Variants in RHOA observed in about 807,000 individuals in gnomAD.
The protein encoded by RHOA is ras homolog family member A.
A neutral mutation model predicts 17.5 loss-of-function variants in RHOA; 3 were observed. The observed-to-expected ratio is 0.17, with a 90% CI of 0.08 to 0.44. RHOA has a LOEUF of 0.44. Ranked by LOEUF, RHOA falls within the 20% of genes least tolerant of loss-of-function variation. The pLI is 0.99. For synonymous variants in RHOA, 98 were observed against 88.4 expected, an observed-to-expected ratio of 1.11 and a Z score of -0.61; for missense variants, 56 against 242.3, an observed-to-expected ratio of 0.23 and a Z score of 5.10.
chr3:49,388,203 T>G (rs1430432726), intron 1 of RHOA, among the ~76,000 whole-genome samples: 1 of 151,970 alleles, frequency 6.6e-6, no homozygotes, highest in Non-Finnish European at 1.5e-5. Flanking sequence ...GGTGTGTGTG[T>G]GGAGACGGGG....
At chr3:49,369,998 CGGAGGTTGCAATGAGT>C (rs1465640895) in intron 2 of RHOA, among the ~76,000 whole-genome samples, 1 of 151,648 alleles carries the variant, frequency 6.6e-6, no homozygotes, top group Non-Finnish European at 1.5e-5. Context: ...ACCCAGGAGG[CGGAGGTTGCAATGAGT>C]GGAGGTTGCA....
chr3:49,410,605 T>C lies in RHOA; in HGVS notation c.-3+1215A>G, dbSNP rs1052354214. On this transcript the variant is annotated intron_variant, in intron 1 of 4. Transcript: ENST00000418115. ...ACTAGTTTTTCAGTCCAATGTCACT[T>C]GTGCCAAATGCTCAAAACAGTATCT... Among the ~76,000 whole-genome samples the C allele has an allele frequency of 3.9e-5, 6 of 152,228 alleles. 1 individual carries two copies. The South Asian group carries it at 1.2e-3, about 31-fold the overall frequency.
chr3:49,365,891 TA>T (rs373018468), intron 3 of RHOA, among the ~76,000 whole-genome samples: 16 of 152,032 alleles, frequency 1.1e-4, no homozygotes, highest in African/African-American at 3.9e-4. Flanking sequence ...ATGCCCGGCC[TA>T]AAAAATATAA....
At chr3:49,400,221 A>AC (rs1559516680) in intron 1 of RHOA, among the ~76,000 whole-genome samples, 4 of 9,844 alleles carry the variant, frequency 4.1e-4, no homozygotes, top group African/African-American at 4.8e-4. Context: ...CAAAAAAAAA[A>AC]AAAAACAAAA....
intron 1 of RHOA, among the ~76,000 whole-genome samples, chr3:49,390,556 G>T (rs773438488): frequency 6.6e-6 from 1 of 152,038 alleles, no homozygotes; most frequent in Non-Finnish European, 1.5e-5. Context: ...GAGCCACCAC[G>T]CCCAGCCCCA....
intron 1 of RHOA, among the ~76,000 whole-genome samples, chr3:49,383,216 G>A (rs370019419): frequency 6.6e-6 from 1 of 151,610 alleles, no homozygotes; most frequent in Non-Finnish European, 1.5e-5. Flanking sequence ...GGCAGATCAC[G>A]AGGTCAGGAG....
intron 3 of RHOA, among the ~76,000 whole-genome samples, chr3:49,363,825 C>G (rs1275373144): frequency 6.6e-6 from 1 of 152,002 alleles, no homozygotes; most frequent in African/African-American, 2.4e-5. Flanking sequence ...ACACTCACTC[C>G]AGCCTGGGCA....
At chr3:49,381,843 C>A (rs1174076045) in intron 1 of RHOA, among the ~76,000 whole-genome samples, 7 of 146,308 alleles carry the variant, frequency 4.8e-5, no homozygotes, top group African/African-American at 1.8e-4. Context: ...CCAGTTTAGG[C>A]AACAAGAGCG....
At chr3:49,400,236 C>T (rs925913233) in intron 1 of RHOA, among the ~76,000 whole-genome samples, 6 of 126,448 alleles carry the variant, frequency 4.7e-5, no homozygotes, top group Non-Finnish European at 1.7e-5. Context: ...ACAAAAAAAA[C>T]GAAACTACAG....
intron 2 of RHOA, among the ~76,000 whole-genome samples, chr3:49,370,648 C>T (rs560592363): frequency 6.6e-6 from 1 of 152,096 alleles, no homozygotes; most frequent in African/African-American, 2.4e-5. Flanking sequence ...CTTTCACATC[C>T]GGGTACATCC....
At chr3:49,382,772 G>A (rs1195629019) in intron 1 of RHOA, among the ~76,000 whole-genome samples, 1 of 152,170 alleles carries the variant, frequency 6.6e-6, no homozygotes, top group Non-Finnish European at 1.5e-5. Context: ...AGAAAAGGCT[G>A]CTTTGGCCGA....
intron 1 of RHOA, among the ~76,000 whole-genome samples, chr3:49,390,720 T>TA (rs2048487487): frequency 1.3e-5 from 2 of 152,264 alleles, no homozygotes; most frequent in Admixed American, 6.5e-5. Context: ...CAAATTTTGA[T>TA]AGAGTGACAG....
At chr3:49,404,161 C>T (rs1249419006) in intron 1 of RHOA, among the ~76,000 whole-genome samples, 2 of 137,844 alleles carry the variant, frequency 1.5e-5, no homozygotes, top group Non-Finnish European at 3.2e-5. Context: ...ATTAGCTGGG[C>T]GCAGTGGCAC....
At chr3:49,395,998 T>C (rs112628258) in intron 1 of RHOA, among the ~76,000 whole-genome samples, 82 of 152,222 alleles carry the variant, frequency 5.4e-4, no homozygotes, top group Non-Finnish European at 9.0e-4. Context: ...GGCAGTGATC[T>C]AGCCAAAGAG....
rs554021795 is a variant in RHOA, at chr3:49,388,720, C to T, written c.-2-13129G>A. On this transcript the variant is annotated intron_variant, in intron 1 of 4. Coordinates refer to ENST00000418115, the MANE Select transcript of RHOA (RefSeq NM_001664.4). Reference sequence around the variant, plus strand: ...GTTCAATGGGCCAGCCCACTAATAACTAATTTAGTATCTCACATTTTGAAA... The same window carrying T: ...GTTCAATGGGCCAGCCCACTAATAATTAATTTAGTATCTCACATTTTGAAA... 2.0e-5 allele frequency among the ~76,000 whole-genome samples: 3 copies of T among 152,310 alleles called. 1 individual carries two copies. In the Middle Eastern group the frequency reaches 0.01, roughly 518 times the overall value.
chr3:49,393,231 C>G (rs374056472), intron 1 of RHOA, among the ~76,000 whole-genome samples: 1 of 152,008 alleles, frequency 6.6e-6, no homozygotes, highest in Admixed American at 6.6e-5. Context: ...CCATCTTTTA[C>G]GCTTCCTTCT....
intron 1 of RHOA, among the ~76,000 whole-genome samples, chr3:49,386,767 T>C (rs754912731): frequency 1.4e-4 from 21 of 152,268 alleles, no homozygotes; most frequent in South Asian, 2.1e-4. Context: ...CTCTGATGTA[T>C]TTGATTAACT....
chr3:49,401,064 G>C, intron 1 of RHOA, among the ~76,000 whole-genome samples: 1 of 79,226 alleles, frequency 1.3e-5, no homozygotes, highest in South Asian at 5.4e-4. Flanking sequence ...AAAAAAAAGA[G>C]TTAATTTCCT....
chr3:49,385,279 G>A (rs1365092245), intron 1 of RHOA, among the ~76,000 whole-genome samples: 13 of 149,128 alleles, frequency 8.7e-5, no homozygotes, highest in Non-Finnish European at 1.9e-4. Flanking sequence ...GGAGTGCAGT[G>A]GCGCGATCTT....
Sources: allele counts gnomAD v4.1 joint callset (sites outside exome capture counted in the v4.1 genomes callset), GRCh38; gene constraint gnomAD v4.1.1; transcripts MANE v1.5; gene names NCBI Gene and HGNC (gene_info 2026-07-23, HGNC 2026-07-21).